PAK3: variants seen among roughly 807,000 people sequenced by gnomAD.
PAK3 encodes the protein p21 (RAC1) activated kinase 3, also known as serine/threonine-protein kinase PAK 3.
PAK3 carries 4 observed loss-of-function variants against 41.0 expected under a neutral mutation model. The ratio of observed to expected loss-of-function variants is 0.10; its 90% CI spans 0.05 to 0.22. The LOEUF (loss-of-function observed/expected upper bound fraction) is 0.22. PAK3 is among the 10% of genes least tolerant of loss of function. PAK3 has a pLI of 1.00. For synonymous variants in PAK3, 146 were observed against 139.6 expected, an observed-to-expected ratio of 1.05 and a Z score of -0.32; for missense variants, 205 against 409.9, an observed-to-expected ratio of 0.50 and a Z score of 4.32.
At chrX:111,120,017 A>G (rs2093541131) in intron 4 of PAK3, among the ~76,000 whole-genome samples, 1 of 112,475 alleles carries the variant, frequency 8.9e-6, no homozygotes, top group Admixed American at 9.4e-5. Flanking sequence ...ACAAAACCAT[A>G]TCTGAACTGT....
chrX:111,098,939 C>T (rs2093065602), intron 3 of PAK3, among the ~76,000 whole-genome samples: 1 of 111,076 alleles, frequency 9.0e-6, no homozygotes, highest in Admixed American at 9.5e-5. Context: ...CTGCCGGGGG[C>T]TAGGCGTTTC....
chrX:110,969,770 A>G (rs1397909818), intron 1 of PAK3, among the ~76,000 whole-genome samples: 1 of 111,902 alleles, frequency 8.9e-6, no homozygotes, highest in African/African-American at 3.2e-5. Context: ...ATTGGGTAAA[A>G]CAATTACTCT....
intron 1 of PAK3, among the ~76,000 whole-genome samples, chrX:110,979,735 T>C (rs2091417262): frequency 1.8e-5 from 2 of 112,524 alleles, no homozygotes; most frequent in South Asian, 7.5e-4. Flanking sequence ...CTTTTCCTCT[T>C]TTCTAATATA....
intron 11 of PAK3, among the ~76,000 whole-genome samples, chrX:111,187,970 T>C (rs186384113): frequency 0.19 from 17,000 of 90,145 alleles, 3,036 homozygotes; most frequent in African/African-American, 0.55. Context: ...TATATATATA[T>C]ACACACATTA....
At chrX:111,211,076 C>G (rs184854447) in intron 16 of PAK3, among the ~76,000 whole-genome samples, 2 of 111,492 alleles carry the variant, frequency 1.8e-5, no homozygotes, top group Non-Finnish European at 3.8e-5. Context: ...GCATTTTAGG[C>G]AGCAATGAAA....
intron 1 of PAK3, among the ~76,000 whole-genome samples, chrX:111,048,353 A>G (rs768163301): frequency 9.0e-6 from 1 of 111,270 alleles, no homozygotes; most frequent in South Asian, 3.9e-4. Flanking sequence ...ATCCAGTTCC[A>G]TACTTTAAAA....
intron 11 of PAK3, among the ~76,000 whole-genome samples, chrX:111,173,970 A>G (rs908821799): frequency 1.8e-5 from 2 of 111,543 alleles, no homozygotes; most frequent in African/African-American, 6.5e-5. Flanking sequence ...CAACTACTGT[A>G]TGTCAGAAAC....
chrX:111,134,203 A>G (rs2066102), intron 5 of PAK3, among the ~76,000 whole-genome samples: 17,109 of 111,499 alleles, frequency 0.15, 2,685 homozygotes, highest in African/African-American at 0.48. Flanking sequence ...CAGCTATGTT[A>G]CCATATATGC....
chrX:111,116,060 T>C (rs1175857292), intron 4 of PAK3, among the ~76,000 whole-genome samples: 2 of 111,226 alleles, frequency 1.8e-5, no homozygotes, highest in African/African-American at 3.3e-5. Context: ...GTATAATTAT[T>C]ATCCATGCAT....
At chrX:111,181,159 T>A (rs1039114899) in intron 11 of PAK3, among the ~76,000 whole-genome samples, 1 of 112,123 alleles carries the variant, frequency 8.9e-6, no homozygotes, top group Non-Finnish European at 1.9e-5. Flanking sequence ...AGAAAGCATG[T>A]GGCAAAACAA....
intron 1 of PAK3, among the ~76,000 whole-genome samples, chrX:111,060,222 G>A (rs1363677211): frequency 8.9e-6 from 1 of 111,812 alleles, no homozygotes; most frequent in Non-Finnish European, 1.9e-5. Context: ...CTAATGTGAT[G>A]TATTACATTA....
intron 3 of PAK3, among the ~76,000 whole-genome samples, chrX:111,100,810 T>A (rs952018254): frequency 9.2e-6 from 1 of 109,128 alleles, no homozygotes; most frequent in Non-Finnish European, 1.9e-5. Flanking sequence ...TGGCTGGGGG[T>A]GGAGTTGGGT....
chrX:111,102,558 G>C (rs1056066586), intron 3 of PAK3, among the ~76,000 whole-genome samples: 1 of 111,728 alleles, frequency 9.0e-6, no homozygotes, highest in African/African-American at 3.3e-5. Context: ...TGGAGGTGGA[G>C]ACTTAGAGTT....
chrX:111,099,343 T>A (rs1046353607), intron 3 of PAK3, among the ~76,000 whole-genome samples: 2 of 111,831 alleles, frequency 1.8e-5, no homozygotes, highest in African/African-American at 6.5e-5. Flanking sequence ...GTCAGTTATC[T>A]GCAGGTTGGA....
intron 8 of PAK3, among the ~76,000 whole-genome samples, chrX:111,154,994 G>A: frequency 9.0e-6 from 1 of 110,917 alleles, no homozygotes; most frequent in Non-Finnish European, 1.9e-5. Flanking sequence ...GGTTCTATTG[G>A]TTTTGCTTGT....
In PAK3 at chrX:110,978,704, CTCTTTCTT is replaced by C. The variant is rs377626068; in HGVS notation, c.-28+34094_-28+34101del. 1.4e-3 allele frequency among the ~76,000 whole-genome samples: 143 copies of C among 104,081 alleles called. 1 individual carries two copies. The highest frequency in any genetic ancestry group is 1.6e-3 in the Non-Finnish European group (79 of 50,665). 90.4% of individuals were successfully genotyped at this position (104,081 alleles called of 115,157 possible). The stretch of plus-strand genomic sequence containing the variant: ...TTTTTCTTTCTTTCTTTCTCTCTGT[CTCTTTCTT>C]TCTTTCTTTCTTTCTTTTTCTTTCT... On this transcript the variant is annotated intron_variant, in intron 1 of 14. Transcript: ENST00000425146.
chrX:111,002,440 G>A (rs1053311288), intron 1 of PAK3, among the ~76,000 whole-genome samples: 1 of 111,511 alleles, frequency 9.0e-6, no homozygotes, highest in Non-Finnish European at 1.9e-5. Context: ...GCAGATTTAG[G>A]TCTCCAAGAG....
chrX:111,045,195 C>A (rs939938836), intron 1 of PAK3, among the ~76,000 whole-genome samples: 2 of 112,005 alleles, frequency 1.8e-5, no homozygotes, highest in African/African-American at 6.5e-5. Flanking sequence ...TAAGGGCAAG[C>A]AATTGGAAAG....
chrX:111,120,214 G>A (rs926636495), intron 4 of PAK3, among the ~76,000 whole-genome samples: 2 of 112,212 alleles, frequency 1.8e-5, no homozygotes, highest in Non-Finnish European at 3.8e-5. Flanking sequence ...CATAAGCTGA[G>A]TCCTTTGCAG....
Sources: gnomAD v4.1 joint callset for allele counts (sites outside exome capture counted in the v4.1 genomes callset) on GRCh38, gnomAD v4.1.1 for gene constraint, MANE v1.5 for transcripts, NCBI Gene and HGNC (gene_info 2026-07-23, HGNC 2026-07-21) for gene names.